Variants in HS6ST3 observed in about 807,000 individuals in gnomAD.
HS6ST3 encodes the protein heparan sulfate 6-O-sulfotransferase 3.
A neutral mutation model predicts 36.7 loss-of-function variants in HS6ST3; 12 were observed. The ratio of observed to expected loss-of-function variants is 0.33; its 90% CI spans 0.21 to 0.53. The LOEUF is 0.53. Among genes scored for constraint, HS6ST3 ranks in the 20% least tolerant of loss-of-function variants. The probability of loss-of-function intolerance (pLI) is 0.95; values close to 1 mark genes in which losing one functional copy is unlikely to be tolerated. For missense variants in HS6ST3, 584 were observed against 640.9 expected, an observed-to-expected ratio of 0.91 and a Z score of 0.96; for synonymous variants, 240 against 257.5, an observed-to-expected ratio of 0.93 and a Z score of 0.65.
intron 1 of HS6ST3, among the ~76,000 whole-genome samples, chr13:96,779,225 G>A (rs1213837933): frequency 2.6e-5 from 4 of 151,818 alleles, no homozygotes; most frequent in Admixed American, 1.3e-4. Flanking sequence ...TGTAGATGAC[G>A]GGTTGATGGG....
At chr13:96,218,474 C>T (rs1461023423) in intron 1 of HS6ST3, among the ~76,000 whole-genome samples, 4 of 152,150 alleles carry the variant, frequency 2.6e-5, no homozygotes, top group Non-Finnish European at 5.9e-5. Context: ...TGGCTGTGTG[C>T]GCTAATCTGT....
At chr13:96,230,325 G>C (rs1438470739) in intron 1 of HS6ST3, among the ~76,000 whole-genome samples, 1 of 152,156 alleles carries the variant, frequency 6.6e-6, no homozygotes, top group Admixed American at 6.5e-5. Context: ...GCTTGGAACG[G>C]AGAGGGTAGA....
At chr13:96,211,930 A>G (rs2054401080) in intron 1 of HS6ST3, among the ~76,000 whole-genome samples, 1 of 152,254 alleles carries the variant, frequency 6.6e-6, no homozygotes, top group African/African-American at 2.4e-5. Flanking sequence ...AAAGAAAGTT[A>G]CAGAAAGGAT....
intron 1 of HS6ST3, among the ~76,000 whole-genome samples, chr13:96,347,535 A>G (rs1039953238): frequency 5.3e-5 from 8 of 152,242 alleles, no homozygotes; most frequent in African/African-American, 1.9e-4. Context: ...TTTATACTGC[A>G]GGACCACCTA....
chr13:96,762,346 G>C (rs191346923), intron 1 of HS6ST3, among the ~76,000 whole-genome samples: 101 of 152,268 alleles, frequency 6.6e-4, no homozygotes, highest in African/African-American at 2.2e-3. Flanking sequence ...TGGGCATGGT[G>C]GTGGGTGCCT....
At chr13:96,671,225 C>A (rs2056681594) in intron 1 of HS6ST3, among the ~76,000 whole-genome samples, 1 of 152,142 alleles carries the variant, frequency 6.6e-6, no homozygotes, top group Admixed American at 6.6e-5. Context: ...GCTTTGTGTA[C>A]AGGCTTGGAT....
At chr13:96,337,395 G>A in intron 1 of HS6ST3, among the ~76,000 whole-genome samples, 1 of 152,154 alleles carries the variant, frequency 6.6e-6, no homozygotes, top group East Asian at 1.9e-4. Flanking sequence ...TTTTTCTTAA[G>A]GAAATTTCTT....
chr13:96,257,680 T>C (rs992251793), intron 1 of HS6ST3, among the ~76,000 whole-genome samples: 1 of 152,188 alleles, frequency 6.6e-6, no homozygotes, highest in Non-Finnish European at 1.5e-5. Flanking sequence ...TATTTCTAAG[T>C]AAAAGTATAA....
rs2056008553 is a variant in HS6ST3, at chr13:96,502,399, A to T, written c.708-330091A>T. 2.0e-5 allele frequency among the ~76,000 whole-genome samples: 3 copies of T among 149,960 alleles called. No individual in the cohort carries two copies. In the South Asian group the frequency reaches 6.3e-4, roughly 32 times the overall value. On this transcript the variant is annotated intron_variant, in intron 1 of 1. Coordinates refer to ENST00000376705, the MANE Select transcript of HS6ST3 (RefSeq NM_153456.4). ...TCATCTGGCAGTTTTGAACACTTTA[A>T]ATGGGAACAGATCACAAGTTCTGAT... is the stretch of plus-strand genomic sequence containing the variant.
intron 1 of HS6ST3, among the ~76,000 whole-genome samples, chr13:96,593,961 CTTT>C (rs1001045101): frequency 7.0e-6 from 1 of 142,234 alleles, no homozygotes; most frequent in Non-Finnish European, 1.5e-5. Context: ...ATAATTGGGT[CTTT>C]TTTTTTTTTG....
intron 1 of HS6ST3, among the ~76,000 whole-genome samples, chr13:96,440,161 G>A (rs1332148455): frequency 6.6e-6 from 1 of 152,132 alleles, no homozygotes; most frequent in African/African-American, 2.4e-5. Flanking sequence ...AAACAAAGAG[G>A]GTTGGCTGGA....
intron 1 of HS6ST3, among the ~76,000 whole-genome samples, chr13:96,475,508 A>G (rs1364300253): frequency 1.3e-5 from 2 of 151,736 alleles, no homozygotes; most frequent in Non-Finnish European, 2.9e-5. Flanking sequence ...AAACGTCTGC[A>G]TGTCCCTTGA....
At chr13:96,767,258 C>T (rs908898654) in intron 1 of HS6ST3, among the ~76,000 whole-genome samples, 5 of 152,208 alleles carry the variant, frequency 3.3e-5, no homozygotes, top group African/African-American at 1.2e-4. Context: ...ATCTATAACA[C>T]AATGTGACTA....
At chr13:96,245,116 GA>G (rs1379069040) in intron 1 of HS6ST3, among the ~76,000 whole-genome samples, 1 of 152,192 alleles carries the variant, frequency 6.6e-6, no homozygotes, top group African/African-American at 2.4e-5. Context: ...CCAGATGATT[GA>G]AATCAAGTTT....
intron 1 of HS6ST3, among the ~76,000 whole-genome samples, chr13:96,258,858 C>CT (rs1431935171): frequency 1.3e-5 from 2 of 152,056 alleles, no homozygotes; most frequent in African/African-American, 2.4e-5. Context: ...GATCTCTTCC[C>CT]TATAGGTGGT....
chr13:96,575,778 T>C (rs542988792), intron 1 of HS6ST3, among the ~76,000 whole-genome samples: 1 of 152,352 alleles, frequency 6.6e-6, no homozygotes, highest in East Asian at 1.9e-4. Context: ...GCCTTGCTTG[T>C]TCTTCACTTG....
chr13:96,617,160 A>T (rs2056477533), intron 1 of HS6ST3, among the ~76,000 whole-genome samples: 1 of 152,218 alleles, frequency 6.6e-6, no homozygotes, highest in Non-Finnish European at 1.5e-5. Flanking sequence ...GTCCATCATT[A>T]TTATATTGAA....
chr13:96,599,907 CAG>C (rs1472241413), intron 1 of HS6ST3, among the ~76,000 whole-genome samples: 1 of 152,070 alleles, frequency 6.6e-6, no homozygotes, highest in East Asian at 1.9e-4. Context: ...CATTCAGGGG[CAG>C]ATTCTTTAAT....
chr13:96,833,226 G>C lies in HS6ST3; in HGVS notation c.*28G>C. 1.4e-6 allele frequency: 2 copies of C among 1,473,114 alleles called. No homozygotes were observed. The highest frequency in any genetic ancestry group is 1.4e-5 in the South Asian group (1 of 73,188). The allele number at this position is 1,473,114 out of a possible 1,614,324, so 91.3% of individuals were successfully genotyped here. ...TCCTGCCCTCTCCTCTCTCAGGAGG[G>C]GGAGGGTGAGCAGGCACATTGACTT... On this transcript the variant is annotated 3_prime_UTR_variant, in exon 2 of 2. Transcript: ENST00000376705.
Sources: gnomAD v4.1 joint callset for allele counts (sites outside exome capture counted in the v4.1 genomes callset) on GRCh38, gnomAD v4.1.1 for gene constraint, MANE v1.5 for transcripts, NCBI Gene and HGNC (gene_info 2026-07-23, HGNC 2026-07-21) for gene names.